Variants in RGS3 observed in about 807,000 individuals in gnomAD.
RGS3 encodes the protein regulator of G-protein signalling 3.
RGS3 carries 80 observed loss-of-function variants against 132.6 expected under a neutral mutation model. The observed-to-expected ratio is 0.60, with a 90% confidence interval of 0.50 to 0.73. RGS3 has a LOEUF of 0.73. Ranked by LOEUF, RGS3 falls within the 30% of genes least tolerant of loss-of-function variation. RGS3 has a pLI of 0.00. For synonymous variants in RGS3, 598 were observed against 620.6 expected (o/e 0.96, Z 0.54); for missense variants, 1,382 against 1,530.8 (o/e 0.90, Z 1.62).
Position 113,579,046 on chromosome 9 carries a change from C to G in RGS3, c.2038-4404C>G, listed in dbSNP as rs900368500. 3.6e-4 allele frequency among the ~76,000 whole-genome samples: 54 copies of G among 151,914 alleles called. No homozygotes were observed. The highest frequency in any genetic ancestry group is 1.3e-3 in the African/African-American group (53 of 41,276). ...CAGTAAAATCCTGGCTGTTAAGGGC[C>G]ACCCTGAGACAGAGGCAAACCCCAG... On this transcript the variant is annotated intron_variant, in intron 19 of 24. Transcript: ENST00000350696. The surrounding 1 kb of genome is among the most constrained non-coding windows in gnomAD (Gnocchi z 4.3).
At chr9:113,482,788 T>C (rs1204412621) in intron 4 of RGS3, among the ~76,000 whole-genome samples, 1 of 152,186 alleles carries the variant, frequency 6.6e-6, no homozygotes, top group African/African-American at 2.4e-5. Flanking sequence ...ATTCAGGGAA[T>C]TGAATGTACC....
chr9:113,475,190 C>T (rs1350281920), intron 3 of RGS3, among the ~76,000 whole-genome samples: 1 of 152,184 alleles, frequency 6.6e-6, no homozygotes, highest in Non-Finnish European at 1.5e-5. Flanking sequence ...CACTTGCAGC[C>T]TCTCTGGGCA....
intron 10 of RGS3, among the ~76,000 whole-genome samples, chr9:113,500,295 C>T (rs1187852477): frequency 6.6e-6 from 1 of 152,188 alleles, no homozygotes; most frequent in Non-Finnish European, 1.5e-5. Flanking sequence ...GAGATGGAGG[C>T]CCAGAAACCT....
exon 20 of RGS3, chr9:113,583,689 G>T: frequency 6.2e-7 from 1 of 1,613,822 alleles, no homozygotes; most frequent in Non-Finnish European, 8.5e-7. Context: ...CAGATGCTCC[G>T]CCCAGCAAGG....
intron 19 of RGS3, among the ~76,000 whole-genome samples, chr9:113,561,698 T>C (rs1047539660): frequency 6.6e-6 from 1 of 151,750 alleles, no homozygotes; most frequent in Admixed American, 6.6e-5. Flanking sequence ...CTGAATTACA[T>C]GCTCGTGATG....
At chr9:113,529,676 C>G (rs1418868479) in intron 18 of RGS3, among the ~76,000 whole-genome samples, 3 of 152,216 alleles carry the variant, frequency 2.0e-5, no homozygotes, top group Admixed American at 2.0e-4. Context: ...ACCAACGACC[C>G]CTTGTACAGG....
rs371316211 is a variant in RGS3, at chr9:113,494,886, T to C, written c.690-900T>C. Among the ~76,000 whole-genome samples, 27 of 150,896 alleles carry C rather than the reference T, an allele frequency of 1.8e-4. No homozygotes were observed. The East Asian group carries it at 2.5e-3, about 14-fold the overall frequency. On this transcript the variant is annotated intron_variant, in intron 7 of 24. Transcript: ENST00000350696. ...AATTCTTCTTCTTCTTCTTCTTCTT[T>C]TTTTTTGAGATGGAGTCTTGGCTCT...
intron 19 of RGS3, among the ~76,000 whole-genome samples, chr9:113,543,726 G>A (rs1056453645): frequency 3.3e-5 from 5 of 152,200 alleles, no homozygotes; most frequent in Admixed American, 6.5e-5. Flanking sequence ...AGGAGCTCTG[G>A]CCACAAAGAA....
chr9:113,565,784 C>G lies in RGS3; in HGVS notation c.2038-17666C>G, dbSNP rs556750693. ...TGTGGTGGGCGGGCATCCAAGCCACCCTGTGCCCCTGTTTCTATTGTTTCT... is the reference window on the plus strand; with the variant it reads ...TGTGGTGGGCGGGCATCCAAGCCACGCTGTGCCCCTGTTTCTATTGTTTCT... On this transcript the variant is annotated intron_variant, in intron 19 of 24. Transcript: ENST00000350696. This position sits in a 1 kb window ranked among gnomAD's most constrained non-coding sequence, Gnocchi z 5.7. 1.8e-4 allele frequency: 35 copies of G among 197,228 alleles called. No homozygotes were observed. Among genetic ancestry groups the G allele is most frequent in the Admixed American group, 1.3e-3 (24 of 18,304 alleles). 12.2% of individuals were successfully genotyped at this position (197,228 alleles called of 1,614,324 possible).
chr9:113,584,129 A>G, exon 20 of RGS3: 3 of 1,614,250 alleles, frequency 1.9e-6, no homozygotes, highest in Non-Finnish European at 8.5e-7. Flanking sequence ...AGCGATGACA[A>G]CTACGGAGAG....
rs1489093997 is a variant in RGS3, at chr9:113,583,354, C to A, written c.2038-96C>A. The A allele has an allele frequency of 3.3e-6, 5 of 1,496,362 alleles. No homozygotes were observed. In the South Asian group the frequency reaches 4.1e-5, roughly 12 times the overall value. 92.7% of individuals were successfully genotyped at this position (1,496,362 alleles called of 1,614,324 possible). ...GCTTTCAGACTGGGGGCCCGGGGTT[C>A]AGGCCACTGCCTGATTTCATGTCAG... On this transcript the variant is annotated intron_variant, in intron 19 of 24. Coordinates refer to ENST00000350696, the Ensembl canonical transcript of RGS3.
At chr9:113,520,930 C>G (rs749677658) in intron 16 of RGS3, among the ~76,000 whole-genome samples, 2 of 152,136 alleles carry the variant, frequency 1.3e-5, no homozygotes, top group Non-Finnish European at 2.9e-5. Flanking sequence ...ATTGGTATCT[C>G]TCTGTATAGT....
At position 113,553,456 on chromosome 9, in the gene RGS3, AAAAATATATATATAT is replaced by A. The variant is rs1247404181; in HGVS notation, c.2037+16540_2037+16554del. Among the ~76,000 whole-genome samples the A allele has an allele frequency of 5.4e-3, 534 of 98,004 alleles. 5 individuals carry two copies. The highest frequency in any genetic ancestry group is 0.022 in the African/African-American group (512 of 23,654). The allele number at this position is 98,004 out of a possible 152,430, so 64.3% of individuals were successfully genotyped here. A position where few individuals can be genotyped will look rare whatever the true frequency, so the allele number is the denominator to read the frequency against. ...AAACTCTGTTTAAAAAAAAAAAAAA[AAAAATATATATATAT>A]ATATATATATATATATATATGTATA... On this transcript the variant is annotated intron_variant, in intron 19 of 24. Transcript: ENST00000350696.
chr9:113,565,194 G>T lies in RGS3; in HGVS notation c.2038-18256G>T. ...AGCATGTAACCCGGGAGCCAGCTGG[G>T]CCCCTCGCGGGGTGGGCAGAAGGAC... On this transcript the variant is annotated intron_variant, in intron 19 of 24. Coordinates refer to ENST00000350696, the Ensembl canonical transcript of RGS3. The surrounding 1 kb of genome is among the most constrained non-coding windows in gnomAD (Gnocchi z 5.7). The T allele has an allele frequency of 8.1e-7, 1 of 1,241,582 alleles. No individual in the cohort carries two copies. The highest frequency in any genetic ancestry group is 1.0e-6 in the Non-Finnish European group (1 of 964,630). The allele number at this position is 1,241,582 out of a possible 1,614,324, so 76.9% of individuals were successfully genotyped here. A position where few individuals can be genotyped will look rare whatever the true frequency, so the allele number is the denominator to read the frequency against.
At chr9:113,586,105 G>C (rs1162880388) in intron 20 of RGS3, among the ~76,000 whole-genome samples, 1 of 152,208 alleles carries the variant, frequency 6.6e-6, no homozygotes, top group Non-Finnish European at 1.5e-5. Flanking sequence ...GAGGGATCAT[G>C]ATCTTGCCAA....
At chr9:113,477,700 G>T (rs1215131304) in intron 3 of RGS3, among the ~76,000 whole-genome samples, 1 of 152,176 alleles carries the variant, frequency 6.6e-6, no homozygotes, top group East Asian at 1.9e-4. Flanking sequence ...GAAAGTTACC[G>T]AGAGGCCACT....
chr9:113,532,378 AAG>A (rs57797072), intron 18 of RGS3, among the ~76,000 whole-genome samples: 18,027 of 150,556 alleles, frequency 0.12, 1,282 homozygotes, highest in African/African-American at 0.19. Flanking sequence ...TGGCTTGGCC[AAG>A]AGAGAGAGAG....
intron 22 of RGS3, 55 bp from the exon 21 acceptor site, chr9:113,594,864 C>T: frequency 1.3e-6 from 2 of 1,561,570 alleles, no homozygotes; most frequent in Non-Finnish European, 1.8e-6. Flanking sequence ...CCAGCTTCCC[C>T]CAAGGTTCCC....
At chr9:113,564,900 C>G in intron 19 of RGS3, 1 of 990,746 alleles carries the variant, frequency 1.0e-6, no homozygotes, top group Non-Finnish European at 1.2e-6. Flanking sequence ...ACAGGAACAG[C>G]GTCGGGGTGG....
Sources: gnomAD v4.1 joint callset for allele counts (sites outside exome capture counted in the v4.1 genomes callset) on GRCh38, gnomAD v4.1.1 for gene constraint, Gnocchi (gnomAD v3.1) non-coding constraint, MANE v1.5 for transcripts, NCBI Gene and HGNC (gene_info 2026-07-23, HGNC 2026-07-21) for gene names.